PCDH7: variants seen among roughly 807,000 people sequenced by gnomAD.
PCDH7 encodes the protein protocadherin 7, also known as protocadherin-7.
Under a neutral mutation model 58.9 loss-of-function variants are expected in PCDH7, and 17 were observed. The observed-to-expected ratio is 0.29, with a 90% CI of 0.20 to 0.43. The LOEUF (loss-of-function observed/expected upper bound fraction) is 0.43, where lower values mean the gene tolerates loss of function less well. Among genes scored for constraint, PCDH7 ranks in the 20% least tolerant of loss-of-function variants. PCDH7 has a pLI of 1.00. For synonymous variants in PCDH7, 664 were observed against 616.4 expected, an observed-to-expected ratio of 1.08 and a Z score of -1.14; for missense variants, 1,274 against 1,441.0, an observed-to-expected ratio of 0.88 and a Z score of 1.88.
At chr4:30,758,414 G>A (rs1183641561) in intron 1 of PCDH7, among the ~76,000 whole-genome samples, 2 of 152,150 alleles carry the variant, frequency 1.3e-5, no homozygotes, top group South Asian at 2.1e-4. Flanking sequence ...TGGAAGACTG[G>A]CAGACAAATG....
chr4:30,780,972 A>G (rs568738456), intron 1 of PCDH7, among the ~76,000 whole-genome samples: 1 of 152,298 alleles, frequency 6.6e-6, no homozygotes, highest in Admixed American at 6.5e-5. Context: ...GTAACCTTGG[A>G]GAGAAAAATG....
At chr4:31,040,526 T>G (rs1375658121) in intron 3 of PCDH7, among the ~76,000 whole-genome samples, 2 of 152,210 alleles carry the variant, frequency 1.3e-5, no homozygotes, top group Non-Finnish European at 2.9e-5. Context: ...ATATGTTGTA[T>G]CAGTTGAAAT....
intron 3 of PCDH7, among the ~76,000 whole-genome samples, chr4:31,079,591 T>A (rs1446053903): frequency 6.6e-6 from 1 of 151,468 alleles, no homozygotes; most frequent in Non-Finnish European, 1.5e-5. Flanking sequence ...ATACTGTTTT[T>A]TTTTTGAGAG....
intron 2 of PCDH7, among the ~76,000 whole-genome samples, chr4:30,922,654 G>A (rs1743326966): frequency 6.6e-6 from 1 of 151,972 alleles, no homozygotes; most frequent in South Asian, 2.1e-4. Flanking sequence ...TTCTTTTTTA[G>A]AACCAAGTTT....
chr4:31,139,595 C>T (rs1720011235), intron 3 of PCDH7, among the ~76,000 whole-genome samples: 1 of 152,142 alleles, frequency 6.6e-6, no homozygotes, highest in African/African-American at 2.4e-5. Context: ...TGAAAAAATT[C>T]ATAATATATG....
At chr4:30,979,282 T>C (rs1022642714) in intron 3 of PCDH7, among the ~76,000 whole-genome samples, 6 of 146,430 alleles carry the variant, frequency 4.1e-5, no homozygotes, top group Non-Finnish European at 7.4e-5. Flanking sequence ...GCCGAGGTGG[T>C]GCCACTGCAC....
At position 30,752,783 on chromosome 4, in the gene PCDH7, CAAAAAAA is replaced by C. The variant is rs35860745; in HGVS notation, c.70+28200_70+28206del. Among the ~76,000 whole-genome samples the C allele has an allele frequency of 5.6e-4, 56 of 99,538 alleles. 1 individual carries two copies. Among genetic ancestry groups the C allele is most frequent in the African/African-American group, 1.8e-3 (49 of 26,652 alleles). The allele number at this position is 99,538 out of a possible 152,430, so 65.3% of individuals were successfully genotyped here. Reference sequence around the variant, plus strand: ...CCTATCTTCCTCTTACCTGTAGGGGCAAAAAAAAAAAAAAAAAAAGAAAGAAAAAGAA... The same window carrying C: ...CCTATCTTCCTCTTACCTGTAGGGGCAAAAAAAAAAAAGAAAGAAAAAGAA... On this transcript the variant is annotated intron_variant, in intron 1 of 3. Coordinates refer to the PCDH7 transcript ENST00000509759.
In PCDH7 at chr4:31,104,498, C is replaced by T. The variant is rs1715306411; in HGVS notation, c.*8-37975C>T. Among the ~76,000 whole-genome samples the T allele has an allele frequency of 2.0e-5, 3 of 152,114 alleles. No individual in the cohort carries two copies. The South Asian group carries it at 6.2e-4, about 32-fold the overall frequency. On this transcript the variant is annotated intron_variant, in intron 3 of 3. Transcript: ENST00000509759. ...TTGAATCAATGCTTAGTGCTTCTTG[C>T]CAGAATGTTATCATTTTCTATAGCA...
intron 3 of PCDH7, among the ~76,000 whole-genome samples, chr4:31,020,114 T>C (rs956738285): frequency 2.6e-5 from 4 of 152,150 alleles, no homozygotes; most frequent in African/African-American, 9.6e-5. Flanking sequence ...GGACACCCCA[T>C]AGAAACAAAC....
At chr4:30,952,547 C>T (rs986202726) in intron 3 of PCDH7, among the ~76,000 whole-genome samples, 1 of 151,640 alleles carries the variant, frequency 6.6e-6, no homozygotes, top group African/African-American at 2.4e-5. Context: ...ATGAAGGAAA[C>T]ATGTCATTAA....
chr4:31,082,707 A>G (rs1711661098), intron 3 of PCDH7, among the ~76,000 whole-genome samples: 1 of 151,956 alleles, frequency 6.6e-6, no homozygotes, highest in Non-Finnish European at 1.5e-5. Context: ...TTCTCACTTA[A>G]AAGTAGGAAC....
intron 2 of PCDH7, among the ~76,000 whole-genome samples, chr4:30,944,645 G>A (rs1339506759): frequency 6.6e-6 from 1 of 152,084 alleles, no homozygotes; most frequent in Non-Finnish European, 1.5e-5. Context: ...TAGGTTTTCC[G>A]TTATTTTACA....
At chr4:31,083,632 T>G (rs1294810949) in intron 3 of PCDH7, among the ~76,000 whole-genome samples, 1 of 152,174 alleles carries the variant, frequency 6.6e-6, no homozygotes, top group Non-Finnish European at 1.5e-5. Flanking sequence ...CCCAGGATGT[T>G]GTAAATGTTC....
At chr4:30,725,834 A>G (rs1714541417) in intron 1 of PCDH7, among the ~76,000 whole-genome samples, 1 of 152,100 alleles carries the variant, frequency 6.6e-6, no homozygotes, top group South Asian at 2.1e-4. Context: ...AAGAGATATG[A>G]ATTCTTAATT....
intron 3 of PCDH7, among the ~76,000 whole-genome samples, chr4:31,068,055 T>C (rs1265725899): frequency 1.3e-5 from 2 of 151,984 alleles, no homozygotes; most frequent in Non-Finnish European, 2.9e-5. Context: ...TACATAATTA[T>C]AGAAAGAGAC....
intron 3 of PCDH7, among the ~76,000 whole-genome samples, chr4:30,992,256 A>G (rs1329452955): frequency 1.3e-5 from 2 of 152,230 alleles, no homozygotes. Context: ...ATGATGCAAC[A>G]TGTCCTCTAA....
intron 3 of PCDH7, among the ~76,000 whole-genome samples, chr4:31,050,458 CTATA>C (rs1756644290): frequency 6.6e-6 from 1 of 152,044 alleles, no homozygotes; most frequent in Admixed American, 6.6e-5. Context: ...AAAAATAAAA[CTATA>C]TATACTCAGA....
chr4:31,087,696 T>C (rs1712645512), intron 3 of PCDH7, among the ~76,000 whole-genome samples: 1 of 152,132 alleles, frequency 6.6e-6, no homozygotes. Flanking sequence ...TGGAAACCAA[T>C]ATGAAGGGAA....
chr4:31,036,992 C>G (rs1755461824), intron 3 of PCDH7, among the ~76,000 whole-genome samples: 1 of 152,014 alleles, frequency 6.6e-6, no homozygotes, highest in Non-Finnish European at 1.5e-5. Context: ...GGGAAAGATC[C>G]ACCCCCCTGA....
Sources: allele counts gnomAD v4.1 joint callset (sites outside exome capture counted in the v4.1 genomes callset), GRCh38; gene constraint gnomAD v4.1.1; transcripts MANE v1.5; gene names NCBI Gene and HGNC (gene_info 2026-07-23, HGNC 2026-07-21).